PANK2: variants seen among roughly 807,000 people sequenced by gnomAD.
PANK2 encodes pantothenate kinase 2, mitochondrial.
A neutral mutation model predicts 43.1 loss-of-function variants in PANK2; 36 were observed. That is an observed-to-expected ratio of 0.84 (90% confidence interval 0.64 to 1.10). PANK2 has a LOEUF of 1.10. PANK2 is among the 50% of genes least tolerant of loss of function. The probability of loss-of-function intolerance (pLI) is 0.00; values close to 1 mark genes in which losing one functional copy is unlikely to be tolerated. For synonymous variants in PANK2, 281 were observed against 238.2 expected (o/e 1.18, Z -1.66); for missense variants, 576 against 593.3 (o/e 0.97, Z 0.30).
In PANK2 at chr20:3,923,583, C is replaced by A; in HGVS notation, c.*289C>A. 2.1e-6 allele frequency: 1 copy of A among 483,402 alleles called. No homozygotes were observed. 29.9% of individuals were successfully genotyped at this position (483,402 alleles called of 1,614,324 possible). A position where few individuals can be genotyped will look rare whatever the true frequency, so the allele number is the denominator to read the frequency against. ...GTATTTTTGAAATCTCTGCATCACT[C>A]ATTGGAAGTGCTTCTGAAGAGAGCT... On this transcript the variant is annotated 3_prime_UTR_variant, in exon 7 of 7. Coordinates refer to ENST00000610179, the MANE Select transcript of PANK2 (RefSeq NM_001386393.1).
chr20:3,920,222 A>AG (rs1157765833), intron 6 of PANK2, among the ~76,000 whole-genome samples: 1 of 151,750 alleles, frequency 6.6e-6, no homozygotes, highest in East Asian at 1.9e-4. Flanking sequence ...AACCTTAAAA[A>AG]AAAAATAGGC....
intron 1 of PANK2, among the ~76,000 whole-genome samples, chr20:3,894,023 C>T (rs2090165584): frequency 6.7e-6 from 1 of 149,206 alleles, no homozygotes; most frequent in Non-Finnish European, 1.5e-5. Flanking sequence ...CCTCTGCTTC[C>T]TGGGTTCAAG....
chr20:3,918,906 T>C (rs1193328750), intron 6 of PANK2, 110 bp downstream of exon 6: 4 of 1,567,838 alleles, frequency 2.6e-6, no homozygotes, highest in Non-Finnish European at 3.5e-6. Flanking sequence ...CAGTGTTTCT[T>C]TTGTTTTTTG....
Position 3,927,945 on chromosome 20 carries a change from A to G in PANK2, c.*4651A>G, listed in dbSNP as rs1489886717. On this transcript the variant is annotated 3_prime_UTR_variant, in exon 7 of 7. Transcript: ENST00000610179. The stretch of plus-strand genomic sequence containing the variant: ...GTGGAGTACATCTTTGCATCTTGTA[A>G]CAATTTGGGCTCTACAGCTGAATTG... 1 of 152,218 alleles carries G rather than the reference A, an allele frequency of 6.6e-6. No homozygotes were observed. The highest frequency in any genetic ancestry group is 1.9e-4 in the East Asian group (1 of 5,200). The allele number at this position is 152,218 out of a possible 1,614,324, so 9.4% of individuals were successfully genotyped here. A position where few individuals can be genotyped will look rare whatever the true frequency, so the allele number is the denominator to read the frequency against.
At chr20:3,911,500 C>T (rs2090467892) in intron 3 of PANK2, among the ~76,000 whole-genome samples, 1 of 151,026 alleles carries the variant, frequency 6.6e-6, no homozygotes, top group African/African-American at 2.4e-5. Flanking sequence ...GGGAGAATTG[C>T]TTGAATTCAG....
chr20:3,898,434 A>G (rs2090246055), intron 1 of PANK2, among the ~76,000 whole-genome samples: 3 of 152,108 alleles, frequency 2.0e-5, no homozygotes, highest in South Asian at 2.1e-4. Flanking sequence ...TCCTGACCTC[A>G]GGTCATCCAC....
At chr20:3,906,710 C>G (rs909642244) in intron 1 of PANK2, among the ~76,000 whole-genome samples, 1 of 152,108 alleles carries the variant, frequency 6.6e-6, no homozygotes, top group African/African-American at 2.4e-5. Context: ...GCTTATTGCA[C>G]CATTGTAAAT....
At chr20:3,907,348 C>T (rs145342221) in intron 1 of PANK2, among the ~76,000 whole-genome samples, 2 of 152,166 alleles carry the variant, frequency 1.3e-5, no homozygotes, top group Admixed American at 1.3e-4. Flanking sequence ...ATCCACCCAC[C>T]TTGGCCTCCC....
At chr20:3,909,699 C>T (rs1216821421) in intron 2 of PANK2, among the ~76,000 whole-genome samples, 1 of 152,180 alleles carries the variant, frequency 6.6e-6, no homozygotes, top group African/African-American at 2.4e-5. Context: ...AAGAGATTCT[C>T]CTGCCTCAGC....
Position 3,913,775 on chromosome 20 carries a change from CAT to C in PANK2, c.1082+1156_1082+1157del, listed in dbSNP as rs1555788886. On this transcript the variant is annotated intron_variant, in intron 4 of 6. Coordinates refer to ENST00000610179, the MANE Select transcript of PANK2 (RefSeq NM_001386393.1). ...TTGTATGTATGCACACACACACACA[CAT>C]ATATATATATATATTTTTTTTTTTT... 5.7e-3 allele frequency among the ~76,000 whole-genome samples: 705 copies of C among 123,968 alleles called. 3 individuals carry two copies. Among genetic ancestry groups the C allele is most frequent in the Admixed American group, 0.025 (287 of 11,700 alleles). 81.3% of individuals were successfully genotyped at this position (123,968 alleles called of 152,430 possible).
chr20:3,900,958 G>A (rs891509211), intron 1 of PANK2, among the ~76,000 whole-genome samples: 2 of 151,466 alleles, frequency 1.3e-5, no homozygotes, highest in African/African-American at 4.8e-5. Context: ...TAGTAGAGAT[G>A]GGGGTTTCAC....
At chr20:3,915,073 G>A (rs1600559205) in intron 4 of PANK2, among the ~76,000 whole-genome samples, 1 of 152,122 alleles carries the variant, frequency 6.6e-6, no homozygotes, top group Non-Finnish European at 1.5e-5. Context: ...GTCCCATTTT[G>A]TTAGTTGTCT....
intron 1 of PANK2, among the ~76,000 whole-genome samples, chr20:3,890,198 C>T (rs6116080): frequency 0.034 from 5,105 of 152,278 alleles, 140 homozygotes; most frequent in East Asian, 0.17. Context: ...TGAACTGCCC[C>T]TTGAGTTGCA....
rs749625890 is a variant in PANK2, at chr20:3,923,998, C to G, written c.*704C>G. Reference sequence around the variant, plus strand: ...GGCAGAAGCAGCACAATCTGGAGGACTAACATGAGTCAGCAGGGCCACTAG... The same window carrying G: ...GGCAGAAGCAGCACAATCTGGAGGAGTAACATGAGTCAGCAGGGCCACTAG... On this transcript the variant is annotated 3_prime_UTR_variant, in exon 7 of 7. Coordinates refer to ENST00000610179, the MANE Select transcript of PANK2 (RefSeq NM_001386393.1). 1.3e-5 allele frequency: 2 copies of G among 152,554 alleles called. No individual in the cohort carries two copies. The highest frequency in any genetic ancestry group is 1.3e-4 in the Admixed American group (2 of 15,314). The allele number at this position is 152,554 out of a possible 1,614,324, so 9.5% of individuals were successfully genotyped here.
chr20:3,922,668 C>T (rs2090664375), intron 6 of PANK2, among the ~76,000 whole-genome samples: 1 of 152,056 alleles, frequency 6.6e-6, no homozygotes, highest in Non-Finnish European at 1.5e-5. Context: ...TTGCTCTCCA[C>T]ACCTCTTACT....
intron 1 of PANK2, among the ~76,000 whole-genome samples, chr20:3,899,442 A>G (rs2090263868): frequency 6.6e-6 from 1 of 151,002 alleles, no homozygotes; most frequent in Non-Finnish European, 1.5e-5. Context: ...GAGTGCTGGG[A>G]TTACAGATGT....
intron 2 of PANK2, among the ~76,000 whole-genome samples, chr20:3,910,041 A>G (rs1600539904): frequency 6.6e-6 from 1 of 152,190 alleles, no homozygotes; most frequent in Non-Finnish European, 1.5e-5. Flanking sequence ...GGCTGTAGCT[A>G]GTTTAGATAG....
Position 3,923,906 on chromosome 20 carries a change from G to A in PANK2, c.*612G>A, listed in dbSNP as rs990294450. On this transcript the variant is annotated 3_prime_UTR_variant, in exon 7 of 7. Transcript: ENST00000610179. ...CTGGGAATGAATGTCTGGAGAGACA[G>A]GGCTTCTTTTCTTGGCAGAATTTCC... 1.3e-5 allele frequency: 2 copies of A among 155,482 alleles called. No homozygotes were observed. Among genetic ancestry groups the A allele is most frequent in the African/African-American group, 4.8e-5 (2 of 41,476 alleles). 9.6% of individuals were successfully genotyped at this position (155,482 alleles called of 1,614,324 possible).
At chr20:3,912,406 G>C (rs1286371793) in intron 3 of PANK2, 52 bp from the exon 4 acceptor site, 5 of 1,586,382 alleles carry the variant, frequency 3.2e-6, no homozygotes, top group Non-Finnish European at 4.3e-6. Flanking sequence ...TTAACTTCTT[G>C]TTCTTATTTT....
Sources: allele counts gnomAD v4.1 joint callset (sites outside exome capture counted in the v4.1 genomes callset), GRCh38; gene constraint gnomAD v4.1.1; transcripts MANE v1.5; gene names NCBI Gene and HGNC (gene_info 2026-07-23, HGNC 2026-07-21).